Variants in PLCZ1 observed in about 807,000 individuals in gnomAD.
The protein encoded by PLCZ1 is 1-phosphatidylinositol 4,5-bisphosphate phosphodiesterase zeta-1.
In PLCZ1, 64 loss-of-function variants were observed where a neutral mutation model predicts 76.8. The observed-to-expected ratio is 0.83, with a 90% CI of 0.68 to 1.03. The LOEUF (loss-of-function observed/expected upper bound fraction) is 1.03. Ranked by LOEUF, PLCZ1 falls within the 50% of genes least tolerant of loss-of-function variation. The probability of loss-of-function intolerance (pLI) is 0.00; values close to 1 mark genes in which losing one functional copy is unlikely to be tolerated. For synonymous variants in PLCZ1, 248 were observed against 230.8 expected (o/e 1.07, Z -0.68); for missense variants, 751 against 713.7 (o/e 1.05, Z -0.60).
chr12:18,692,663 T>C (rs971104280), intron 12 of PLCZ1: 3 of 650,234 alleles, frequency 4.6e-6, no homozygotes, highest in African/African-American at 1.8e-5. Context: ...GAGAAAAAAA[T>C]CATTTCTACA....
chr12:18,648,068 T>A, the PLCZ1 span: 1 of 1,368,536 alleles, frequency 7.3e-7, no homozygotes, highest in Non-Finnish European at 9.9e-7. Context: ...TAACTACTTG[T>A]ATTTTTTTCA....
intron 3 of PLCZ1, among the ~76,000 whole-genome samples, chr12:18,725,256 C>T (rs1356432130): frequency 6.6e-6 from 1 of 151,980 alleles, no homozygotes; most frequent in African/African-American, 2.4e-5. Flanking sequence ...GGAAGAAAAG[C>T]AGGACGTGGT....
chr12:18,724,283 G>A (rs181145863), intron 3 of PLCZ1, among the ~76,000 whole-genome samples: 6 of 152,120 alleles, frequency 3.9e-5, no homozygotes, highest in Admixed American at 1.3e-4. Flanking sequence ...GTGAAATGAC[G>A]AAGGAAGAAT....
At chr12:18,645,653 G>A in the PLCZ1 span, among the ~76,000 whole-genome samples, 1 of 151,952 alleles carries the variant, frequency 6.6e-6, no homozygotes, top group Admixed American at 6.6e-5. Context: ...ATAATTTACT[G>A]GTGTCTAATA....
chr12:18,736,649 G>A (rs1418818253), intron 2 of PLCZ1: 4 of 1,293,536 alleles, frequency 3.1e-6, no homozygotes, highest in Non-Finnish European at 4.0e-6. Flanking sequence ...ATTGCCTGAA[G>A]GCATGAAGTT....
At chr12:18,717,780 G>A (rs995351172) in intron 5 of PLCZ1, among the ~76,000 whole-genome samples, 1 of 152,046 alleles carries the variant, frequency 6.6e-6, no homozygotes, top group Non-Finnish European at 1.5e-5. Flanking sequence ...AGTCATGTTG[G>A]CTATACCTCC....
the PLCZ1 span, among the ~76,000 whole-genome samples, chr12:18,665,393 T>C: frequency 6.6e-6 from 1 of 152,170 alleles, no homozygotes; most frequent in African/African-American, 2.4e-5. Flanking sequence ...TTATATTATT[T>C]GTATTTCACC....
At chr12:18,671,861 G>C in the PLCZ1 span, among the ~76,000 whole-genome samples, 1 of 152,090 alleles carries the variant, frequency 6.6e-6, no homozygotes, top group Non-Finnish European at 1.5e-5. Context: ...TAAGATCAAG[G>C]CGCCTGCAGA....
chr12:18,717,572 T>C (rs1958129415), intron 5 of PLCZ1, among the ~76,000 whole-genome samples: 1 of 152,162 alleles, frequency 6.6e-6, no homozygotes, highest in Admixed American at 6.5e-5. Context: ...GACTATCTGA[T>C]CTAGCCATTT....
chr12:18,721,756 T>G (rs76366203), intron 4 of PLCZ1, among the ~76,000 whole-genome samples: 1,672 of 152,008 alleles, frequency 0.011, 38 homozygotes, highest in African/African-American at 0.039. Context: ...TCAGTTCTGC[T>G]TAGTGATATA....
At chr12:18,721,716 A>T (rs61912353) in intron 4 of PLCZ1, among the ~76,000 whole-genome samples, 1 of 76,804 alleles carries the variant, frequency 1.3e-5, no homozygotes, top group South Asian at 4.3e-4. Flanking sequence ...TCTTGCTATT[A>T]AAAAAAAAAA....
chr12:18,663,365 C>T, the PLCZ1 span, among the ~76,000 whole-genome samples: 1 of 152,028 alleles, frequency 6.6e-6, no homozygotes, highest in Non-Finnish European at 1.5e-5. Flanking sequence ...TAATTTAGCA[C>T]TTTTTCCTAA....
downstream of PLCZ1, among the ~76,000 whole-genome samples, chr12:18,680,479 C>A (rs962663781): frequency 1.3e-5 from 2 of 152,056 alleles, no homozygotes; most frequent in Non-Finnish European, 2.9e-5. Flanking sequence ...ACCAGCCTGT[C>A]ATTTACCTCC....
chr12:18,713,139 G>C (rs992617726), intron 5 of PLCZ1, among the ~76,000 whole-genome samples, 153 bp from the exon 6 acceptor site: 10 of 152,072 alleles, frequency 6.6e-5, no homozygotes, highest in African/African-American at 2.4e-4. Context: ...GACAAGTTTT[G>C]AGTCTCTAGA....
At chr12:18,735,137 C>T (rs1959190963) in intron 3 of PLCZ1, among the ~76,000 whole-genome samples, 1 of 152,102 alleles carries the variant, frequency 6.6e-6, no homozygotes. Flanking sequence ...TTTTAAAGTG[C>T]TATAAATTTG....
rs549596368 is a variant in PLCZ1 at position 18,707,113 on chromosome 12, C to T, written c.715-1798G>A. Among the ~76,000 whole-genome samples the T allele has an allele frequency of 1.4e-3, 206 of 152,256 alleles. 1 individual carries two copies. Among genetic ancestry groups the T allele is most frequent in the African/African-American group, 4.7e-3 (195 of 41,540 alleles). ...TAAAAGTCCTTATGATGGTGTTCAG[C>T]GCCTACTCAGATAATCCAGAATAAT... On this transcript the variant is annotated intron_variant, in intron 6 of 14. Transcript: ENST00000266505.
At chr12:18,664,821 G>T in the PLCZ1 span, among the ~76,000 whole-genome samples, 15 of 151,496 alleles carry the variant, frequency 9.9e-5, no homozygotes, top group African/African-American at 2.9e-4. Context: ...GGAATACTAT[G>T]CAGCCACAAA....
Position 18,701,498 on chromosome 12 carries a change from C to A in PLCZ1, c.1017+3G>T, listed in dbSNP as rs766031798. Reference sequence around the variant, plus strand: ...GTAAGATTTTCACAAAACACCACCTCACCTTCTTTTTCTTGAAAAGCATTA... The same window carrying A: ...GTAAGATTTTCACAAAACACCACCTAACCTTCTTTTTCTTGAAAAGCATTA... On this transcript the variant is annotated splice_donor_region_variant and intron_variant, in intron 9 of 14. Coordinates refer to ENST00000266505, the MANE Select transcript of PLCZ1 (RefSeq NM_033123.4). The A allele has an allele frequency of 1.1e-5, 17 of 1,613,926 alleles. No individual in the cohort carries two copies. The highest frequency in any genetic ancestry group is 1.4e-5 in the Non-Finnish European group (17 of 1,179,994).
the PLCZ1 span, among the ~76,000 whole-genome samples, chr12:18,667,400 C>T: frequency 1.3e-5 from 2 of 152,110 alleles, no homozygotes; most frequent in Non-Finnish European, 2.9e-5. Flanking sequence ...TCAAGATTAC[C>T]TGTATCTATC....
Sources: allele counts gnomAD v4.1 joint callset (sites outside exome capture counted in the v4.1 genomes callset), GRCh38; gene constraint gnomAD v4.1.1; transcripts MANE v1.5; gene names NCBI Gene and HGNC (gene_info 2026-07-23, HGNC 2026-07-21).